The following LRP1B variants were observed in gnomAD, a reference collection of about 807,000 sequenced individuals.
LRP1B encodes low-density lipoprotein receptor-related protein 1B.
LRP1B carries 217 observed loss-of-function variants against 556.6 expected under a neutral mutation model. The observed-to-expected ratio is 0.39, with a 90% confidence interval of 0.35 to 0.44. The LOEUF (loss-of-function observed/expected upper bound fraction) is 0.44. LRP1B is among the 20% of genes least tolerant of loss of function. The pLI is 1.00. For synonymous variants in LRP1B, 2,047 were observed against 1,865.8 expected (o/e 1.10, Z -2.50); for missense variants, 5,053 against 5,620.8 (o/e 0.90, Z 3.23).
chr2:141,637,432 A>C (rs1272182141), intron 2 of LRP1B, among the ~76,000 whole-genome samples: 2 of 152,232 alleles, frequency 1.3e-5, no homozygotes, highest in Admixed American at 1.3e-4. Flanking sequence ...AAAAGGCTGA[A>C]GACATCAGGC....
chr2:140,566,102 G>T, intron 43 of LRP1B, among the ~76,000 whole-genome samples: 1 of 152,154 alleles, frequency 6.6e-6, no homozygotes, highest in Non-Finnish European at 1.5e-5. Flanking sequence ...CTCCAGAGGT[G>T]AGTGGCCATG....
At chr2:141,114,782 G>A (rs1025663940) in intron 7 of LRP1B, among the ~76,000 whole-genome samples, 4 of 151,946 alleles carry the variant, frequency 2.6e-5, no homozygotes, top group African/African-American at 9.7e-5. Context: ...CCTCCTGTTT[G>A]TATAAATTGT....
At chr2:141,105,609 C>T (rs1700584394) in intron 7 of LRP1B, among the ~76,000 whole-genome samples, 1 of 152,038 alleles carries the variant, frequency 6.6e-6, no homozygotes. Flanking sequence ...GCTCTGGTTT[C>T]AATAATAGTA....
intron 2 of LRP1B, among the ~76,000 whole-genome samples, chr2:141,518,279 T>A (rs1018328485): frequency 6.6e-6 from 1 of 152,132 alleles, no homozygotes. Context: ...TTTGTGCTAA[T>A]GTTCAGTAGG....
intron 2 of LRP1B, among the ~76,000 whole-genome samples, chr2:141,528,041 C>G (rs1684749229): frequency 6.6e-6 from 1 of 151,900 alleles, no homozygotes; most frequent in Non-Finnish European, 1.5e-5. Flanking sequence ...TGAAAGTTCT[C>G]TTGTTGGCCT....
At chr2:140,717,207 C>T (rs1476578898) in intron 35 of LRP1B, among the ~76,000 whole-genome samples, 1 of 152,006 alleles carries the variant, frequency 6.6e-6, no homozygotes, top group African/African-American at 2.4e-5. Flanking sequence ...ATGTCTGAAT[C>T]TCCTATTAAA....
At chr2:141,194,653 C>T (rs548281638) in intron 6 of LRP1B, among the ~76,000 whole-genome samples, 2 of 152,080 alleles carry the variant, frequency 1.3e-5, no homozygotes, top group African/African-American at 4.8e-5. Context: ...TGTGATGACA[C>T]CACAGCAAAG....
chr2:141,073,374 C>T (rs1416994314), intron 7 of LRP1B, among the ~76,000 whole-genome samples: 2 of 151,922 alleles, frequency 1.3e-5, no homozygotes, highest in African/African-American at 4.8e-5. Flanking sequence ...TCTCTTAGCA[C>T]TCTCTTGGTT....
intron 2 of LRP1B, among the ~76,000 whole-genome samples, chr2:141,806,921 T>C (rs980416647): frequency 1.3e-5 from 2 of 152,038 alleles, no homozygotes; most frequent in African/African-American, 2.4e-5. Context: ...GCTAAGTGGA[T>C]TTCAGAAAAA....
At position 140,652,684 on chromosome 2, in the gene LRP1B, G is replaced by A. The variant is rs531337886; in HGVS notation, c.6799+47566C>T. ...TAGAATCATGAAAGTTTCCTTTCAT[G>A]TACAAAAGAAAGTTAACAATATTGT... On this transcript the variant is annotated intron_variant, in intron 41 of 90. Coordinates refer to ENST00000389484, the MANE Select transcript of LRP1B (RefSeq NM_018557.3). Among the ~76,000 whole-genome samples, 10 of 152,034 alleles carry A rather than the reference G, an allele frequency of 6.6e-5. No homozygotes were observed. In the East Asian group the frequency reaches 1.9e-3, roughly 29 times the overall value.
At position 140,912,950 on chromosome 2, in the gene LRP1B, G is replaced by A. The variant is rs551227763; in HGVS notation, c.3320-4873C>T. Reference sequence around the variant, plus strand: ...CTTTTTGTAAACGGACTTGTTTTTAGTTTAATAAAAAGATAACAAATGTTG... The same window carrying A: ...CTTTTTGTAAACGGACTTGTTTTTAATTTAATAAAAAGATAACAAATGTTG... On this transcript the variant is annotated intron_variant, in intron 21 of 90. Transcript: ENST00000389484. Among the ~76,000 whole-genome samples, 4 of 151,730 alleles carry A rather than the reference G, an allele frequency of 2.6e-5. No homozygotes were observed. In the South Asian group the frequency reaches 8.3e-4, roughly 31 times the overall value.
At chr2:142,092,275 T>TTTAAAAATATG (rs967668250) in intron 1 of LRP1B, among the ~76,000 whole-genome samples, 7 of 152,194 alleles carry the variant, frequency 4.6e-5, no homozygotes, top group African/African-American at 1.7e-4. Context: ...AAATTGTTTG[T>TTTAAAAATATG]TTAAAAATAT....
At chr2:141,338,570 A>G (rs183569680) in intron 3 of LRP1B, among the ~76,000 whole-genome samples, 46 of 152,288 alleles carry the variant, frequency 3.0e-4, no homozygotes, top group Admixed American at 1.6e-3. Flanking sequence ...TAGCTATTCT[A>G]TTCTTTCTGT....
At chr2:141,314,422 G>A (rs770198216) in intron 3 of LRP1B, among the ~76,000 whole-genome samples, 12 of 151,934 alleles carry the variant, frequency 7.9e-5, no homozygotes, top group Non-Finnish European at 1.6e-4. Flanking sequence ...AGTCTCCTAG[G>A]GAATGTATAG....
chr2:141,929,505 A>G (rs932074781), intron 1 of LRP1B, among the ~76,000 whole-genome samples: 4 of 152,008 alleles, frequency 2.6e-5, no homozygotes, highest in African/African-American at 9.7e-5. Context: ...GCACAACCAC[A>G]ACATCGTAGG....
At chr2:141,098,495 G>A (rs923809833) in intron 7 of LRP1B, among the ~76,000 whole-genome samples, 4 of 152,124 alleles carry the variant, frequency 2.6e-5, no homozygotes, top group Admixed American at 2.6e-4. Context: ...TAGCACCACT[G>A]TTTCCCTATA....
intron 3 of LRP1B, among the ~76,000 whole-genome samples, chr2:141,290,606 A>G (rs193292379): frequency 2.0e-4 from 31 of 152,270 alleles, no homozygotes; most frequent in Admixed American, 2.0e-3. Context: ...TGTTGGCCAA[A>G]GTTCCTAATA....
chr2:141,134,899 A>G (rs926019624), intron 7 of LRP1B, among the ~76,000 whole-genome samples: 2 of 151,854 alleles, frequency 1.3e-5, no homozygotes, highest in Non-Finnish European at 2.9e-5. Context: ...TAAATAAACC[A>G]TACTTCATAA....
At chr2:141,921,744 C>G (rs1228640454) in intron 1 of LRP1B, among the ~76,000 whole-genome samples, 1 of 151,890 alleles carries the variant, frequency 6.6e-6, no homozygotes, top group African/African-American at 2.4e-5. Context: ...TAAATATTTC[C>G]TATTCTTTAA....
Sources: gnomAD v4.1 joint callset for allele counts (sites outside exome capture counted in the v4.1 genomes callset) on GRCh38, gnomAD v4.1.1 for gene constraint, MANE v1.5 for transcripts, NCBI Gene and HGNC (gene_info 2026-07-23, HGNC 2026-07-21) for gene names.